Variants in CD101 observed in about 807,000 individuals in gnomAD.
CD101 encodes immunoglobulin superfamily member 2.
In CD101, 76 loss-of-function variants were observed where a neutral mutation model predicts 98.2. The ratio of observed to expected loss-of-function variants is 0.77; its 90% CI spans 0.64 to 0.94. CD101 has a LOEUF of 0.94. CD101 is among the 40% of genes least tolerant of loss of function. The probability of loss-of-function intolerance (pLI) is 0.00; values close to 1 mark genes in which losing one functional copy is unlikely to be tolerated. For missense variants in CD101, 1,145 were observed against 1,218.8 expected (o/e 0.94, Z 0.90); for synonymous variants, 471 against 472.7 (o/e 1.00, Z 0.05).
rs1301315404 is a variant in CD101, at chr1:117,034,063, A to C, written c.3028A>C (p.Asn1010His). Residue 1010 changes from asparagine to histidine, a missense_variant, in exon 9 of 10, where the codon AAT (asparagine) becomes CAT (histidine). Coordinates refer to ENST00000682167, the MANE Select transcript of CD101 (RefSeq NM_001256106.3). The stretch of plus-strand genomic sequence containing the variant: ...GAAAGAGGCTGGAGGTGTGACCACA[A>C]ATAGGAGGGAAGACGAGGAGGAAGA... The part of the protein sequence containing the change: ...DLKEAGGVTT[N>H]RREDEEEDEG... The C allele has an allele frequency of 6.2e-7, 1 of 1,614,046 alleles. No individual in the cohort carries two copies. The highest frequency in any genetic ancestry group is 8.5e-7 in the Non-Finnish European group (1 of 1,180,036).
chr1:117,013,070 A>AAT (rs972881456), intron 3 of CD101, among the ~76,000 whole-genome samples: 11 of 152,134 alleles, frequency 7.2e-5, no homozygotes, highest in African/African-American at 2.6e-4. Flanking sequence ...TAAAATATTT[A>AAT]ATATATATAT....
In CD101 at chr1:117,033,061, C is replaced by T. The variant is rs1479464598; in HGVS notation, c.2825-799C>T. The T allele has an allele frequency of 6.6e-6, 1 of 152,222 alleles. No homozygotes were observed. Among genetic ancestry groups the T allele is most frequent in the Admixed American group, 6.5e-5 (1 of 15,276 alleles). The allele number at this position is 152,222 out of a possible 1,614,324, so 9.4% of individuals were successfully genotyped here. On this transcript the variant is annotated intron_variant, in intron 8 of 9. Transcript: ENST00000682167. This position sits in a 1 kb window ranked among gnomAD's most constrained non-coding sequence, Gnocchi z 4.8. ...AACAAATGGCACTATCAGACATACT[C>T]AAGTAACTATAGTGAACAAAGGAGA...
chr1:117,035,264 G>A (rs1218087920), intron 9 of CD101, among the ~76,000 whole-genome samples: 2 of 152,144 alleles, frequency 1.3e-5, no homozygotes, highest in Admixed American at 1.3e-4. Flanking sequence ...GTGACCAACC[G>A]AGTTGCTTTA....
Position 117,004,065 on chromosome 1 carries a change from C to T in CD101, c.43+2205C>T, listed in dbSNP as rs753467969. ...TTAATGTCATGGGTAAATGAGTTCT[C>T]GGATTTAGCAGTTAGCTTTGTCTGC... On this transcript the variant is annotated intron_variant, in intron 1 of 9. Coordinates refer to ENST00000682167, the MANE Select transcript of CD101 (RefSeq NM_001256106.3). The surrounding 1 kb of genome is among the most constrained non-coding windows in gnomAD (Gnocchi z 4.1). 7.2e-5 allele frequency among the ~76,000 whole-genome samples: 11 copies of T among 152,052 alleles called. No individual in the cohort carries two copies. Among genetic ancestry groups the T allele is most frequent in the Admixed American group, 2.0e-4 (3 of 15,260 alleles).
intron 1 of CD101, among the ~76,000 whole-genome samples, chr1:117,009,501 A>G (rs1048467605): frequency 6.6e-6 from 1 of 152,268 alleles, no homozygotes; most frequent in Non-Finnish European, 1.5e-5. Context: ...TATATGCCAA[A>G]TTTTCTCAGA....
rs72440795 is a variant in CD101 at position 117,036,517 on chromosome 1, TA to T, written c.*398del. On this transcript the variant is annotated 3_prime_UTR_variant, in exon 10 of 10. Transcript: ENST00000682167. This position sits in a 1 kb window ranked among gnomAD's most constrained non-coding sequence, Gnocchi z 5.0. ...CAGCGCTCTCCTTGCTTGTGACAAG[TA>T]AAAAAAAAAAAAAACTCCTTTTCAT... is the stretch of plus-strand genomic sequence containing the variant. The T allele has an allele frequency of 0.1, 14,366 of 137,756 alleles. 1,069 individuals are homozygous for T. Among genetic ancestry groups the T allele is most frequent in the African/African-American group, 0.23 (8,759 of 38,730 alleles). The allele number at this position is 137,756 out of a possible 1,614,324, so 8.5% of individuals were successfully genotyped here.
chr1:117,029,192 AAAG>A (rs1230971430), intron 8 of CD101, among the ~76,000 whole-genome samples: 29 of 72,534 alleles, frequency 4.0e-4, no homozygotes, highest in African/African-American at 1.3e-3. Context: ...AGAAAGAAAG[AAAG>A]AAAGAAAGAA....
At chr1:117,013,932 G>A in intron 4 of CD101, 140 bp downstream of exon 4, 2 of 1,055,952 alleles carry the variant, frequency 1.9e-6, no homozygotes, top group Non-Finnish European at 2.7e-6. Flanking sequence ...GAGTGGAGTG[G>A]AGTAAAGGAA....
chr1:117,012,284 G>A lies in CD101; in HGVS notation c.841+318G>A, dbSNP rs932429018. On this transcript the variant is annotated intron_variant, in intron 3 of 9. Transcript: ENST00000682167. The surrounding 1 kb of genome is among the most constrained non-coding windows in gnomAD (Gnocchi z 4.0). Reference sequence around the variant, plus strand: ...ATTATCTACATTATCTAATTTAGTCGTAACCACCACCCTATGAGGCAAGTA... The same window carrying A: ...ATTATCTACATTATCTAATTTAGTCATAACCACCACCCTATGAGGCAAGTA... Among the ~76,000 whole-genome samples, 6 of 152,122 alleles carry A rather than the reference G, an allele frequency of 3.9e-5. No individual in the cohort carries two copies. Among genetic ancestry groups the A allele is most frequent in the South Asian group, 2.1e-4 (1 of 4,822 alleles).
rs1305212490 is a variant in CD101, at chr1:117,021,448, T to G, written c.2018-125T>G. On this transcript the variant is annotated intron_variant, in intron 6 of 9. Transcript: ENST00000682167. The surrounding 1 kb of genome is among the most constrained non-coding windows in gnomAD (Gnocchi z 4.7). Reference sequence around the variant, plus strand: ...AAGCTGTATGAGCAGTGAGTGGGGCTACTGTAGAGGGAGTTCACCCATATG... The same window carrying G: ...AAGCTGTATGAGCAGTGAGTGGGGCGACTGTAGAGGGAGTTCACCCATATG... 8.2e-6 allele frequency: 6 copies of G among 735,960 alleles called. No individual in the cohort carries two copies. In the East Asian group the frequency reaches 1.6e-4, roughly 20 times the overall value. The allele number at this position is 735,960 out of a possible 1,614,324, so 45.6% of individuals were successfully genotyped here.
At chr1:117,009,726 A>T in intron 1 of CD101, 124 bp from the exon 2 acceptor site, 1 of 1,000,742 alleles carries the variant, frequency 1.0e-6, no homozygotes, top group Admixed American at 2.5e-5. Flanking sequence ...ATTTGAGTCA[A>T]TTATAGCTAA....
rs983750485 is a variant in CD101, at chr1:117,010,238, G to A, written c.424+8G>A. On this transcript the variant is annotated splice_region_variant and intron_variant, in intron 2 of 9. Coordinates refer to ENST00000682167, the MANE Select transcript of CD101 (RefSeq NM_001256106.3). The surrounding 1 kb of genome is among the most constrained non-coding windows in gnomAD (Gnocchi z 5.2). ...CAAAGACTAATCTAATTGGTAAGTT[G>A]CTTGTCCACTTCTGCTAGCCAGCCC... 2 of 1,598,368 alleles carry A rather than the reference G, an allele frequency of 1.3e-6. No individual in the cohort carries two copies. Among genetic ancestry groups the A allele is most frequent in the Admixed American group, 1.7e-5 (1 of 59,392 alleles).
In CD101 at chr1:117,010,082, A is replaced by G. The variant is rs750542487; in HGVS notation, c.276A>G (p.Gly92=). Residue 92 remains glycine (G), a synonymous_variant, in exon 2 of 10, where the codon GGA becomes GGG. Coordinates refer to ENST00000682167, the MANE Select transcript of CD101 (RefSeq NM_001256106.3). The surrounding 1 kb of genome is among the most constrained non-coding windows in gnomAD (Gnocchi z 5.2). The part of the protein sequence containing the change: ...YAVYTQRVRS[G]DVYVERVQGN... ...TATATACGCAGCGGGTGCGAAGCGG[A>G]GACGTCTACGTGGAGAGGGTCCAGG... The G allele has an allele frequency of 6.2e-7, 1 of 1,614,218 alleles. No individual in the cohort carries two copies. The highest frequency in any genetic ancestry group is 8.5e-7 in the Non-Finnish European group (1 of 1,180,042).
intron 8 of CD101, among the ~76,000 whole-genome samples, chr1:117,027,775 A>G (rs1175501240): frequency 6.6e-6 from 1 of 152,220 alleles, no homozygotes; most frequent in Non-Finnish European, 1.5e-5. Context: ...TTCCTTTTAG[A>G]AAGTTCCCAC....
At position 117,025,634 on chromosome 1, in the gene CD101, T is replaced by C. The variant is rs1452744808; in HGVS notation, c.2554T>C (p.Trp852Arg). The change falls in exon 8 of 10, where the codon TGG (tryptophan) becomes CGG (arginine). Residue 852 changes from tryptophan to arginine, a missense_variant. Trp to Arg is a moderately radical substitution (Grantham distance 101, BLOSUM62 -3). Transcript: ENST00000682167. ...SATLYSVMWYWNRENSGSKLL... is the reference protein window; with the variant it reads ...SATLYSVMWYRNRENSGSKLL... ...CACTCTGTACTCTGTGATGTGGTAC[T>C]GGAACAGAGAAAACTCTGGAAGTAA... is the stretch of plus-strand genomic sequence containing the variant. The C allele has an allele frequency of 3.1e-6, 5 of 1,614,164 alleles. No homozygotes were observed. The South Asian group carries it at 5.5e-5, about 18-fold the overall frequency.
chr1:117,034,699 G>A (rs987610665), intron 9 of CD101, among the ~76,000 whole-genome samples: 1 of 152,182 alleles, frequency 6.6e-6, no homozygotes, highest in Non-Finnish European at 1.5e-5. Context: ...AACTAATACA[G>A]GTTCTTTGAC....
At chr1:117,015,693 C>A (rs1653166576) in intron 4 of CD101, among the ~76,000 whole-genome samples, 1 of 152,200 alleles carries the variant, frequency 6.6e-6, no homozygotes, top group South Asian at 2.1e-4. Flanking sequence ...TTTGCCAGAG[C>A]CTATCATTAA....
At chr1:117,011,290 G>A (rs1476688771) in intron 2 of CD101, among the ~76,000 whole-genome samples, 1 of 152,076 alleles carries the variant, frequency 6.6e-6, no homozygotes. Context: ...TAGCTAAATT[G>A]GTTATAGCCT....
rs1039612482 is a variant in CD101, at chr1:117,036,235, C to G, written c.*101C>G. The G allele has an allele frequency of 1.3e-5, 2 of 152,264 alleles. No individual in the cohort carries two copies. The highest frequency in any genetic ancestry group is 4.8e-5 in the African/African-American group (2 of 41,456). The allele number at this position is 152,264 out of a possible 1,614,324, so 9.4% of individuals were successfully genotyped here. On this transcript the variant is annotated 3_prime_UTR_variant, in exon 10 of 10. Coordinates refer to ENST00000682167, the MANE Select transcript of CD101 (RefSeq NM_001256106.3). The surrounding 1 kb of genome is among the most constrained non-coding windows in gnomAD (Gnocchi z 5.0). ...ATGTGGTGACCTAGTCACCTGGAAC[C>G]AGCTCCTGACAGACCCCGGCAACTT...
Sources: allele counts gnomAD v4.1 joint callset (sites outside exome capture counted in the v4.1 genomes callset), GRCh38; gene constraint gnomAD v4.1.1; non-coding constraint Gnocchi (gnomAD v3.1); transcripts MANE v1.5; gene names NCBI Gene and HGNC (gene_info 2026-07-23, HGNC 2026-07-21).